LRP6: variants seen among roughly 807,000 people sequenced by gnomAD.
LRP6 encodes LDL receptor related protein 6.
Under a neutral mutation model 184.1 loss-of-function variants are expected in LRP6, and 43 were observed. The observed-to-expected ratio is 0.23, with a 90% CI of 0.18 to 0.30. The LOEUF is 0.30. Ranked by LOEUF, LRP6 falls within the 10% of genes least tolerant of loss-of-function variation. The pLI is 1.00. For missense variants in LRP6, 1,571 were observed against 2,005.3 expected (o/e 0.78, Z 4.14); for synonymous variants, 719 against 684.9 (o/e 1.05, Z -0.78).
intron 1 of LRP6, among the ~76,000 whole-genome samples, chr12:12,254,633 A>G (rs1433702921): frequency 6.6e-6 from 1 of 152,208 alleles, no homozygotes; most frequent in East Asian, 1.9e-4. Flanking sequence ...AGCTGGAAAC[A>G]TTACTTATGC....
chr12:12,158,126 G>A lies in LRP6; in HGVS notation c.2791+703C>T, dbSNP rs117679011. Among the ~76,000 whole-genome samples, 434 of 152,182 alleles carry A rather than the reference G, an allele frequency of 2.9e-3. 2 individuals are homozygous for A. Among genetic ancestry groups the A allele is most frequent in the Admixed American group, 4.9e-3 (75 of 15,280 alleles). ...TATACTGGGTTACATGTTCTCATAC[G>A]CGTTTTCTGTATGGCCTGTTAAACA... On this transcript the variant is annotated intron_variant, in intron 12 of 22. Transcript: ENST00000261349.
In LRP6 at chr12:12,151,028, A is replaced by T. The variant is rs368179386; in HGVS notation, c.2802T>A (p.Thr934=). The change falls in exon 13 of 23, where the codon ACT becomes ACA. Residue 934 remains threonine (T), a synonymous_variant. Coordinates refer to ENST00000261349, the MANE Select transcript of LRP6 (RefSeq NM_002336.3). ...ADNRTCSAPT[T]FLLFSQKSAI... is the part of the protein sequence containing the mutation. ...CACTCTTTTGACTGAAGAGCAGGAA[A>T]GTCGTAGGAGCTTAAAAGGAAGAAA... is the stretch of plus-strand genomic sequence containing the variant. The T allele has an allele frequency of 6.9e-5, 112 of 1,613,884 alleles. No individual in the cohort carries two copies. The highest frequency in any genetic ancestry group is 9.1e-5 in the Non-Finnish European group (107 of 1,179,910).
intron 2 of LRP6, chr12:12,210,882 T>C (rs1864190125): frequency 6.6e-6 from 1 of 152,206 alleles, no homozygotes; most frequent in Non-Finnish European, 1.5e-5. Context: ...CCCATGTTCC[T>C]CTCTTACTCC....
chr12:12,192,891 C>G (rs1161291370), intron 3 of LRP6, among the ~76,000 whole-genome samples: 1 of 152,084 alleles, frequency 6.6e-6, no homozygotes, highest in African/African-American at 2.4e-5. Flanking sequence ...ACTTAACCTA[C>G]TATCTATAGA....
At chr12:12,252,945 A>G (rs1225700471) in intron 1 of LRP6, among the ~76,000 whole-genome samples, 1 of 152,174 alleles carries the variant, frequency 6.6e-6, no homozygotes, top group Non-Finnish European at 1.5e-5. Context: ...TTCATAAATG[A>G]CATGTACTAG....
chr12:12,169,605 G>C (rs776980372), intron 7 of LRP6, among the ~76,000 whole-genome samples: 2 of 152,116 alleles, frequency 1.3e-5, no homozygotes, highest in Admixed American at 1.3e-4. Flanking sequence ...GCTCAACAAA[G>C]GTATTAACAA....
Position 12,262,552 on chromosome 12 carries a change from C to T in LRP6, c.55+4129G>A, listed in dbSNP as rs1336175463. ...CAGCCTGAGCGACAGAGCGAGACTC[C>T]GTCTCAAAAAAAAAAAAAAAAGCAA... is the stretch of plus-strand genomic sequence containing the variant. On this transcript the variant is annotated intron_variant, in intron 1 of 22. Coordinates refer to ENST00000261349, the MANE Select transcript of LRP6 (RefSeq NM_002336.3). Among the ~76,000 whole-genome samples the T allele has an allele frequency of 3.5e-5, 5 of 143,354 alleles. No homozygotes were observed. In the East Asian group the frequency reaches 1.0e-3, roughly 29 times the overall value. 94.0% of individuals were successfully genotyped at this position (143,354 alleles called of 152,430 possible).
intron 2 of LRP6, among the ~76,000 whole-genome samples, chr12:12,240,164 C>G (rs1374633416): frequency 6.6e-6 from 1 of 152,158 alleles, no homozygotes; most frequent in Non-Finnish European, 1.5e-5. Context: ...GTTCTTCTAA[C>G]ACATCACTCT....
chr12:12,127,047 TTTTC>T (rs1441327630), intron 19 of LRP6, 126 bp from the exon 20 acceptor site: 11 of 811,316 alleles, frequency 1.4e-5, no homozygotes, highest in Non-Finnish European at 2.3e-5. Flanking sequence ...TCATAAACAC[TTTTC>T]TTTTTTATGA....
intron 1 of LRP6, among the ~76,000 whole-genome samples, chr12:12,254,160 A>AG (rs1308080251): frequency 1.0e-4 from 15 of 149,952 alleles, no homozygotes; most frequent in South Asian, 2.1e-4. Flanking sequence ...AAAAAAAAAA[A>AG]AAAAAGAAAG....
intron 15 of LRP6, among the ~76,000 whole-genome samples, chr12:12,143,243 T>C (rs183853752): frequency 6.6e-6 from 1 of 152,292 alleles, no homozygotes; most frequent in Non-Finnish European, 1.5e-5. Context: ...CTGAAAATTA[T>C]AAAACATTAA....
At chr12:12,209,088 C>T (rs1864141419) in intron 2 of LRP6, among the ~76,000 whole-genome samples, 1 of 152,196 alleles carries the variant, frequency 6.6e-6, no homozygotes, top group Non-Finnish European at 1.5e-5. Context: ...GCCGTGTGTG[C>T]AACATGCATT....
At chr12:12,177,697 A>G (rs1443575791) in intron 7 of LRP6, among the ~76,000 whole-genome samples, 1 of 152,226 alleles carries the variant, frequency 6.6e-6, no homozygotes, top group African/African-American at 2.4e-5. Context: ...TTAGGACATC[A>G]GAATCTCCAG....
At position 12,135,229 on chromosome 12, in the gene LRP6, T is replaced by C; in HGVS notation, c.3679A>G (p.Arg1227Gly). 6.2e-7 allele frequency: 1 copy of C among 1,613,860 alleles called. No homozygotes were observed. The highest frequency in any genetic ancestry group is 2.2e-5 in the East Asian group (1 of 44,852). The change falls in exon 17 of 23, where the codon AGG (arginine) becomes GGG (glycine). Residue 1227 changes from arginine to glycine, a missense_variant. By Grantham distance (125) the Arg-to-Gly change is moderately radical. Transcript: ENST00000261349. ...ACCAGGTGCATGGGGCAAGAACACCTTGTAGTACCATCCCCCTTTACAAGA... is the reference window on the plus strand; with the variant it reads ...ACCAGGTGCATGGGGCAAGAACACCCTGTAGTACCATCCCCCTTTACAAGA... ...ICLVKGDGTTRCSCPMHLVLL... is the reference protein window; with the variant it reads ...ICLVKGDGTTGCSCPMHLVLL...
intron 12 of LRP6, 114 bp downstream of exon 12, chr12:12,158,715 A>G (rs371038428): frequency 5.5e-5 from 57 of 1,029,898 alleles, no homozygotes; most frequent in Admixed American, 9.1e-5. Flanking sequence ...AACCAAACAA[A>G]TAACCCCCTC....
intron 2 of LRP6, among the ~76,000 whole-genome samples, chr12:12,226,247 C>A (rs1184174362): frequency 1.3e-5 from 2 of 152,144 alleles, no homozygotes; most frequent in Non-Finnish European, 1.5e-5. Context: ...GCCTATATAT[C>A]ACAATTCCTT....
chr12:12,210,296 C>T (rs189660324), intron 2 of LRP6, among the ~76,000 whole-genome samples: 309 of 152,248 alleles, frequency 2.0e-3, no homozygotes, highest in African/African-American at 6.7e-3. Context: ...ACTAGGATGG[C>T]TCCCAAGATT....
intron 3 of LRP6, chr12:12,187,320 A>G (rs190947754): frequency 2.3e-4 from 135 of 588,206 alleles, no homozygotes; most frequent in Non-Finnish European, 3.6e-4. Flanking sequence ...CAAAAGCCCC[A>G]AACAAGCATT....
In LRP6 at chr12:12,266,858, G is replaced by C. The variant is rs1001952773; in HGVS notation, c.-123C>G. The C allele has an allele frequency of 1.2e-6, 1 of 843,330 alleles. No individual in the cohort carries two copies. Among genetic ancestry groups the C allele is most frequent in the African/African-American group, 1.7e-5 (1 of 59,036 alleles). 52.2% of individuals were successfully genotyped at this position (843,330 alleles called of 1,614,324 possible). The stretch of plus-strand genomic sequence containing the variant: ...CTCATACTTCCCAGCTTCCCAGCGA[G>C]AGAAGAAAGAAAGGGGCACGTCAAG... On this transcript the variant is annotated 5_prime_UTR_variant, in exon 1 of 23. Coordinates refer to ENST00000261349, the MANE Select transcript of LRP6 (RefSeq NM_002336.3).
Sources: gnomAD v4.1 joint callset for allele counts (sites outside exome capture counted in the v4.1 genomes callset) on GRCh38, gnomAD v4.1.1 for gene constraint, MANE v1.5 for transcripts, NCBI Gene and HGNC (gene_info 2026-07-23, HGNC 2026-07-21) for gene names.